The following CD200R1 variants were observed in gnomAD, a reference collection of about 807,000 sequenced individuals.
CD200R1 encodes cell surface glycoprotein CD200 receptor 1.
In CD200R1, 30 loss-of-function variants were observed where a neutral mutation model predicts 38.1. That is an observed-to-expected ratio of 0.79 (90% CI 0.59 to 1.07). CD200R1 has a LOEUF of 1.07. Among genes scored for constraint, CD200R1 ranks in the 50% least tolerant of loss-of-function variants. The pLI is 0.00. For synonymous variants in CD200R1, 128 were observed against 152.1 expected, an observed-to-expected ratio of 0.84 and a Z score of 1.16; for missense variants, 372 against 415.4, an observed-to-expected ratio of 0.90 and a Z score of 0.91.
At chr3:112,924,960 C>G in intron 6 of CD200R1, 125 bp downstream of exon 6, 1 of 676,192 alleles carries the variant, frequency 1.5e-6, no homozygotes, top group Non-Finnish European at 2.6e-6. Context: ...CTAACACCTT[C>G]AAGATTTGAT....
At chr3:112,967,755 A>G (rs569946198) in intron 1 of CD200R1, among the ~76,000 whole-genome samples, 2 of 152,348 alleles carry the variant, frequency 1.3e-5, no homozygotes, top group South Asian at 4.1e-4. Context: ...TGTCATTTCA[A>G]GTGTATCACA....
intron 1 of CD200R1, among the ~76,000 whole-genome samples, chr3:112,953,106 A>G (rs1941007353): frequency 6.6e-6 from 1 of 152,158 alleles, no homozygotes; most frequent in Non-Finnish European, 1.5e-5. Flanking sequence ...TTCATGTATA[A>G]TCATTATTGC....
intron 2 of CD200R1, among the ~76,000 whole-genome samples, chr3:112,942,267 T>C (rs577852680): frequency 6.6e-6 from 1 of 151,820 alleles, no homozygotes; most frequent in East Asian, 1.9e-4. Flanking sequence ...TTTGATTATG[T>C]ATGTGTTATG....
At chr3:112,962,684 TA>T (rs1559956603) in intron 1 of CD200R1, among the ~76,000 whole-genome samples, 1 of 152,068 alleles carries the variant, frequency 6.6e-6, no homozygotes, top group Non-Finnish European at 1.5e-5. Flanking sequence ...GCTAACTTTT[TA>T]AAAAAAATTA....
intron 5 of CD200R1, among the ~76,000 whole-genome samples, chr3:112,926,143 A>G (rs1256501411): frequency 6.6e-6 from 1 of 152,190 alleles, no homozygotes; most frequent in Non-Finnish European, 1.5e-5. Flanking sequence ...ACACAGCAGG[A>G]ACTTTATTTA....
intron 2 of CD200R1, among the ~76,000 whole-genome samples, chr3:112,943,384 G>A (rs1366783024): frequency 5.3e-5 from 8 of 151,560 alleles, no homozygotes; most frequent in Non-Finnish European, 1.0e-4. Flanking sequence ...TAATGCATAG[G>A]TGAAAAAAGA....
At chr3:112,955,239 C>T (rs1941066809) in intron 1 of CD200R1, among the ~76,000 whole-genome samples, 1 of 152,152 alleles carries the variant, frequency 6.6e-6, no homozygotes, top group Non-Finnish European at 1.5e-5. Context: ...CTGTGTATGT[C>T]TGGTAGGCCC....
chr3:112,921,987 A>ATGTC lies in CD200R1; in HGVS notation c.*1686_*1689dup, dbSNP rs1160196573. ...AATAAATTTCAAGGACAGTGTAATG[A>ATGTC]TGTCTATTGTGAACATTGCTTGGTA... On this transcript the variant is annotated 3_prime_UTR_variant, in exon 8 of 8. Coordinates refer to ENST00000308611, the MANE Select transcript of CD200R1 (RefSeq NM_138806.4). 6.6e-6 allele frequency: 1 copy of ATGTC among 152,060 alleles called. No homozygotes were observed. Among genetic ancestry groups the ATGTC allele is most frequent in the African/African-American group, 2.4e-5 (1 of 41,444 alleles). The allele number at this position is 152,060 out of a possible 1,614,324, so 9.4% of individuals were successfully genotyped here.
At chr3:112,928,266 C>T (rs1011389036) in intron 5 of CD200R1, among the ~76,000 whole-genome samples, 4 of 152,060 alleles carry the variant, frequency 2.6e-5, no homozygotes, top group Admixed American at 6.6e-5. Context: ...CCTTACAGAA[C>T]AATTGCACTT....
Position 112,923,687 on chromosome 3 carries a change from T to G in CD200R1, c.1037A>C (p.His346Pro). 1.3e-6 allele frequency: 2 copies of G among 1,519,046 alleles called. No homozygotes were observed. Among genetic ancestry groups the G allele is most frequent in the Non-Finnish European group, 1.8e-6 (2 of 1,096,654 alleles). 94.1% of individuals were successfully genotyped at this position (1,519,046 alleles called of 1,614,324 possible). ...CTAGAGTCCAACAACTTATAAAGTA[T>G]GGAGGTCTGTGTCAACTTCACTTTG... ...ALQSEVDTDL[H>P]TL The change falls in exon 8 of 8, where the codon CAT becomes CCT. Residue 346 changes from histidine to proline, a missense_variant. Physicochemically the swap from His to Pro is moderately conservative, Grantham distance 77 (BLOSUM62 -2). Transcript: ENST00000308611.
chr3:112,921,979 G>C lies in CD200R1; in HGVS notation c.*1698C>G, dbSNP rs552609156. 9.2e-5 allele frequency: 14 copies of C among 152,036 alleles called. No homozygotes were observed. Among genetic ancestry groups the C allele is most frequent in the Non-Finnish European group, 1.9e-4 (13 of 67,944 alleles). The allele number at this position is 152,036 out of a possible 1,614,324, so 9.4% of individuals were successfully genotyped here. A position where few individuals can be genotyped will look rare whatever the true frequency, so the allele number is the denominator to read the frequency against. On this transcript the variant is annotated 3_prime_UTR_variant, in exon 8 of 8. Coordinates refer to ENST00000308611, the MANE Select transcript of CD200R1 (RefSeq NM_138806.4). ...GAAGAATTAATAAATTTCAAGGACA[G>C]TGTAATGATGTCTATTGTGAACATT...
chr3:112,931,248 T>G (rs780792361), intron 2 of CD200R1, 77 bp from the exon 3 acceptor site: 3 of 863,526 alleles, frequency 3.5e-6, no homozygotes, highest in Non-Finnish European at 5.8e-6. Context: ...CTCCACAAAG[T>G]CTTATCCAAC....
intron 1 of CD200R1, among the ~76,000 whole-genome samples, chr3:112,965,420 T>C: frequency 6.6e-6 from 1 of 152,124 alleles, no homozygotes; most frequent in Non-Finnish European, 1.5e-5. Flanking sequence ...CATGTTAAAC[T>C]TGAAAGAGAG....
At chr3:112,927,397 TTA>T (rs2107301702) in intron 5 of CD200R1, among the ~76,000 whole-genome samples, 1 of 151,696 alleles carries the variant, frequency 6.6e-6, no homozygotes, top group South Asian at 2.1e-4. Context: ...AAATCTCTAG[TTA>T]TTAAAAAATC....
chr3:112,930,729 A>T (rs1000999109), intron 3 of CD200R1, among the ~76,000 whole-genome samples: 1 of 152,246 alleles, frequency 6.6e-6, no homozygotes, highest in African/African-American at 2.4e-5. Flanking sequence ...TGCATTTAAC[A>T]TCTTTCCTAT....
intron 1 of CD200R1, among the ~76,000 whole-genome samples, chr3:112,955,339 C>T (rs140988061): frequency 8.5e-5 from 13 of 152,186 alleles, no homozygotes; most frequent in African/African-American, 3.1e-4. Flanking sequence ...GTACTAAAGT[C>T]CCCTAATGTT....
In CD200R1 at chr3:112,925,118, C is replaced by A. The variant is rs768606537; in HGVS notation, c.845G>T (p.Gly282Val). 5 of 1,605,752 alleles carry A rather than the reference C, an allele frequency of 3.1e-6. No homozygotes were observed. Among genetic ancestry groups the A allele is most frequent in the East Asian group, 4.5e-5 (2 of 44,654 alleles). Residue 282 changes from glycine to valine, a missense_variant, in exon 6 of 8, where the codon GGA becomes GTA. Physicochemically the swap from Gly to Val is moderately radical, Grantham distance 109. Coordinates refer to ENST00000308611, the MANE Select transcript of CD200R1 (RefSeq NM_138806.4). ...ILTIIILTIV[G>V]FIWLLKVNGC... ...ATTGACTTTCAACAACCAAATGAAT[C>A]CCACGATGGTCAAAATAATAATAGT... is the stretch of plus-strand genomic sequence containing the variant.
chr3:112,935,302 C>T (rs1940549144), intron 2 of CD200R1, among the ~76,000 whole-genome samples: 1 of 152,142 alleles, frequency 6.6e-6, no homozygotes, highest in Non-Finnish European at 1.5e-5. Context: ...TTTTCACCAG[C>T]ACATGGAACA....
At chr3:112,958,505 G>A (rs1361940567) in intron 1 of CD200R1, among the ~76,000 whole-genome samples, 2 of 152,142 alleles carry the variant, frequency 1.3e-5, no homozygotes, top group Non-Finnish European at 1.5e-5. Context: ...AGATACATGA[G>A]AAATATTTTG....
Sources: gnomAD v4.1 joint callset for allele counts (sites outside exome capture counted in the v4.1 genomes callset) on GRCh38, gnomAD v4.1.1 for gene constraint, MANE v1.5 for transcripts, NCBI Gene and HGNC (gene_info 2026-07-23, HGNC 2026-07-21) for gene names.